SPEF2: variants seen among roughly 807,000 people sequenced by gnomAD.
SPEF2 encodes sperm flagella and cilia-associated protein 2.
SPEF2 carries 187 observed loss-of-function variants against 224.6 expected under a neutral mutation model. The observed-to-expected ratio is 0.83, with a 90% CI of 0.74 to 0.94. The LOEUF (loss-of-function observed/expected upper bound fraction) is 0.94. SPEF2 is among the 40% of genes least tolerant of loss of function. The probability of loss-of-function intolerance (pLI) is 0.00; values close to 1 mark genes in which losing one functional copy is unlikely to be tolerated. For synonymous variants in SPEF2, 715 were observed against 707.3 expected (o/e 1.01, Z -0.17); for missense variants, 2,170 against 2,135.6 (o/e 1.02, Z -0.32).
At chr5:35,707,197 C>T (rs1739950230) in intron 18 of SPEF2, among the ~76,000 whole-genome samples, 1 of 152,106 alleles carries the variant, frequency 6.6e-6, no homozygotes, top group Admixed American at 6.5e-5. Context: ...TATATTCTGA[C>T]CACAATATAC....
At chr5:35,659,712 C>T (rs1169931942) in intron 8 of SPEF2, among the ~76,000 whole-genome samples, 1 of 152,026 alleles carries the variant, frequency 6.6e-6, no homozygotes, top group Non-Finnish European at 1.5e-5. Flanking sequence ...GTCTAACTTT[C>T]AGTTCCTTGA....
At chr5:35,665,469 G>A (rs192131410) in intron 8 of SPEF2, among the ~76,000 whole-genome samples, 2 of 152,210 alleles carry the variant, frequency 1.3e-5, no homozygotes, top group African/African-American at 4.8e-5. Flanking sequence ...GAGGAAGGGA[G>A]GAAGAGAGAG....
At chr5:35,788,015 C>G in intron 30 of SPEF2, 1 of 698,936 alleles carries the variant, frequency 1.4e-6, no homozygotes. Flanking sequence ...GCTATTAAAT[C>G]TTATGTTCTG....
chr5:35,647,108 G>A (rs1747487325), intron 5 of SPEF2, among the ~76,000 whole-genome samples: 1 of 152,252 alleles, frequency 6.6e-6, no homozygotes. Flanking sequence ...CAGAATGGGT[G>A]CTGTTGTAAT....
Position 35,736,197 on chromosome 5 carries a change from T to C in SPEF2, c.3064-3722T>C, listed in dbSNP as rs73086230. On this transcript the variant is annotated intron_variant, in intron 21 of 36. Coordinates refer to ENST00000356031, the MANE Select transcript of SPEF2 (RefSeq NM_024867.4). ...TGAACCAAGTCAATGCAGTCTTTTT[T>C]ACATTATTTATTAAATAAAATGGAT... 2.0e-3 allele frequency among the ~76,000 whole-genome samples: 305 copies of C among 152,352 alleles called. 2 individuals carry two copies. The highest frequency in any genetic ancestry group is 7.2e-3 in the African/African-American group (298 of 41,592).
chr5:35,788,832 A>G lies in SPEF2; in HGVS notation c.4448-3508A>G, dbSNP rs1051680369. Reference sequence around the variant, plus strand: ...AACATTCCTCTGTACAATGATGTCAAAGACCTCCTTCACAGCATTTATCAC... The same window carrying G: ...AACATTCCTCTGTACAATGATGTCAGAGACCTCCTTCACAGCATTTATCAC... On this transcript the variant is annotated intron_variant, in intron 30 of 36. Coordinates refer to ENST00000356031, the MANE Select transcript of SPEF2 (RefSeq NM_024867.4). 7.1e-6 allele frequency: 5 copies of G among 702,840 alleles called. No homozygotes were observed. The African/African-American group carries it at 8.7e-5, about 12-fold the overall frequency. The allele number at this position is 702,840 out of a possible 1,614,324, so 43.5% of individuals were successfully genotyped here. A position where few individuals can be genotyped will look rare whatever the true frequency, so the allele number is the denominator to read the frequency against.
intron 18 of SPEF2, among the ~76,000 whole-genome samples, chr5:35,707,311 T>C (rs914590199): frequency 6.6e-6 from 1 of 152,194 alleles, no homozygotes; most frequent in African/African-American, 2.4e-5. Flanking sequence ...TGGCAGCATA[T>C]ATATACTTGA....
chr5:35,649,761 A>G (rs1181578020), intron 6 of SPEF2, among the ~76,000 whole-genome samples: 1 of 152,232 alleles, frequency 6.6e-6, no homozygotes, highest in Non-Finnish European at 1.5e-5. Flanking sequence ...TAAATCCTTT[A>G]TTAGATTCTA....
chr5:35,806,278 T>C (rs1233202305), intron 34 of SPEF2, among the ~76,000 whole-genome samples: 3 of 152,232 alleles, frequency 2.0e-5, no homozygotes, highest in Non-Finnish European at 4.4e-5. Flanking sequence ...TATCCTCCAG[T>C]GTCCAAAGAA....
At chr5:35,751,234 TA>T (rs1327655114) in intron 23 of SPEF2, among the ~76,000 whole-genome samples, 4 of 146,056 alleles carry the variant, frequency 2.7e-5, no homozygotes, top group Non-Finnish European at 6.0e-5. Flanking sequence ...AACCAAACAT[TA>T]TGTTCTCACT....
intron 29 of SPEF2, 21 bp downstream of exon 29, chr5:35,776,416 C>A: frequency 6.3e-7 from 1 of 1,584,940 alleles, no homozygotes; most frequent in South Asian, 1.2e-5. Flanking sequence ...ACATGACTTT[C>A]TGAAAATATG....
At chr5:35,809,888 C>G (rs1161658226) in intron 36 of SPEF2, among the ~76,000 whole-genome samples, 5 of 152,106 alleles carry the variant, frequency 3.3e-5, no homozygotes, top group Non-Finnish European at 7.4e-5. Context: ...AGCTCTCTTA[C>G]ATTGAACCAG....
intron 20 of SPEF2, among the ~76,000 whole-genome samples, chr5:35,720,161 A>G (rs1315953883): frequency 6.6e-6 from 1 of 152,254 alleles, no homozygotes; most frequent in Non-Finnish European, 1.5e-5. Flanking sequence ...ACTCATAGAT[A>G]GGTTCTAAAT....
At chr5:35,718,429 G>A (rs1743008936) in intron 20 of SPEF2, among the ~76,000 whole-genome samples, 1 of 152,080 alleles carries the variant, frequency 6.6e-6, no homozygotes, top group African/African-American at 2.4e-5. Flanking sequence ...GAAGATGAAT[G>A]ACCACCCATC....
At chr5:35,771,035 T>A (rs868232837) in intron 26 of SPEF2, among the ~76,000 whole-genome samples, 1 of 152,138 alleles carries the variant, frequency 6.6e-6, no homozygotes, top group African/African-American at 2.4e-5. Context: ...CAGGGCATGC[T>A]GTCCCAAAAA....
intron 24 of SPEF2, 117 bp from the exon 25 acceptor site, chr5:35,759,451 G>T: frequency 1.1e-6 from 1 of 942,130 alleles, no homozygotes. Context: ...CTTATTTCCA[G>T]AAAATTATTT....
chr5:35,659,044 T>C lies in SPEF2; in HGVS notation c.1004T>C (p.Ile335Thr), dbSNP rs759342444. 24 of 1,581,224 alleles carry C rather than the reference T, an allele frequency of 1.5e-5. No homozygotes were observed. The South Asian group carries it at 2.8e-4, about 18-fold the overall frequency. ...GAGGCTTATCGGGAGGAACAGCTGA[T>C]TAACCGGCTGATGCGGCAGTCCCAG... ...QEEAYREEQLINRLMRQSQQE... is the reference protein window; with the variant it reads ...QEEAYREEQLTNRLMRQSQQE... The change falls in exon 8 of 37, where the codon ATT becomes ACT. Residue 335 changes from isoleucine to threonine, a missense_variant. Transcript: ENST00000356031.
intron 35 of SPEF2, 61 bp from the exon 36 acceptor site, chr5:35,807,070 T>A: frequency 1.9e-6 from 3 of 1,554,204 alleles, no homozygotes; most frequent in South Asian, 1.2e-5. Context: ...AATACAACCA[T>A]TTTTTTTAAC....
intron 20 of SPEF2, among the ~76,000 whole-genome samples, chr5:35,723,900 A>G (rs1644257574): frequency 6.6e-6 from 1 of 152,242 alleles, no homozygotes; most frequent in Admixed American, 6.5e-5. Context: ...GGTTGATGCC[A>G]CACATACAAA....
Sources: gnomAD v4.1 joint callset for allele counts (sites outside exome capture counted in the v4.1 genomes callset) on GRCh38, gnomAD v4.1.1 for gene constraint, MANE v1.5 for transcripts, NCBI Gene and HGNC (gene_info 2026-07-23, HGNC 2026-07-21) for gene names.